The following UFD1 variants were observed in gnomAD, a reference collection of about 807,000 sequenced individuals.
The protein encoded by UFD1 is ubiquitin recognition factor in ER-associated degradation protein 1.
A neutral mutation model predicts 45.9 loss-of-function variants in UFD1; 13 were observed. The observed-to-expected ratio is 0.28, with a 90% CI of 0.18 to 0.45. The LOEUF (loss-of-function observed/expected upper bound fraction) is 0.45. UFD1 is among the 20% of genes least tolerant of loss of function. UFD1 has a pLI of 1.00. For missense variants in UFD1, 218 were observed against 389.2 expected (o/e 0.56, Z 3.70); for synonymous variants, 128 against 139.2 (o/e 0.92, Z 0.56).
At position 19,453,536 on chromosome 22, in the gene UFD1, G is replaced by A. The variant is rs112994873; in HGVS notation, c.849+1213C>T. 8.7e-3 allele frequency: 8,548 copies of A among 985,438 alleles called. 563 individuals carry two copies. The African/African-American group carries it at 0.14, about 16-fold the overall frequency. The allele number at this position is 985,438 out of a possible 1,614,324, so 61.0% of individuals were successfully genotyped here. Reference sequence around the variant, plus strand: ...ACGTCCCATGCTAAGGTCTTAGGTCGGAGTCAGGCACTGGCTTTTAGTGAG... The same window carrying A: ...ACGTCCCATGCTAAGGTCTTAGGTCAGAGTCAGGCACTGGCTTTTAGTGAG... On this transcript the variant is annotated intron_variant, in intron 11 of 11. Coordinates refer to ENST00000263202, the MANE Select transcript of UFD1 (RefSeq NM_005659.7).
chr22:19,453,381 A>G (rs2089698072), intron 11 of UFD1: 1 of 985,420 alleles, frequency 1.0e-6, no homozygotes, highest in Non-Finnish European at 1.2e-6. Flanking sequence ...AGAGCTAAAT[A>G]TGTCTTCAAT....
chr22:19,453,627 A>C, intron 11 of UFD1: 5 of 985,586 alleles, frequency 5.1e-6, no homozygotes, highest in Non-Finnish European at 6.0e-6. Flanking sequence ...GTGAGGTCTG[A>C]CTGGCCACTA....
chr22:19,467,713 G>A (rs960842867), intron 5 of UFD1, 160 bp downstream of exon 5: 47 of 1,321,118 alleles, frequency 3.6e-5, no homozygotes, highest in Non-Finnish European at 4.4e-5. Flanking sequence ...CCAGGGCCAC[G>A]CAGATGTGCT....
chr22:19,465,109 G>T, intron 6 of UFD1, 93 bp downstream of exon 6: 11 of 1,187,716 alleles, frequency 9.3e-6, no homozygotes, highest in Non-Finnish European at 1.4e-5. Context: ...TAAGATCCAG[G>T]CATACGCTGC....
intron 3 of UFD1, among the ~76,000 whole-genome samples, chr22:19,474,629 C>A (rs1267131591): frequency 2.0e-5 from 3 of 152,170 alleles, no homozygotes; most frequent in Admixed American, 1.3e-4. Context: ...GGATGAGGAA[C>A]CTGCTCACAG....
At chr22:19,453,820 T>C in intron 11 of UFD1, 1 of 985,514 alleles carries the variant, frequency 1.0e-6, no homozygotes, top group Non-Finnish European at 1.2e-6. Flanking sequence ...TAGCAGCTGG[T>C]CCTGAATGGG....
intron 7 of UFD1, 187 bp from the exon 8 acceptor site, chr22:19,457,105 C>T (rs1183149482): frequency 1.7e-6 from 1 of 605,264 alleles, no homozygotes. Context: ...GTATTGCTGC[C>T]AGGATATCAA....
intron 6 of UFD1, among the ~76,000 whole-genome samples, chr22:19,459,846 C>T (rs9604966): frequency 0.38 from 55,591 of 148,108 alleles, 12,577 homozygotes; most frequent in Non-Finnish European, 0.5. Flanking sequence ...TCCAGCGATT[C>T]TCTTGCCTCA....
intron 6 of UFD1, among the ~76,000 whole-genome samples, chr22:19,458,967 G>A (rs1341727343): frequency 6.6e-6 from 1 of 152,048 alleles, no homozygotes; most frequent in East Asian, 1.9e-4. Context: ...GCCTACAGTT[G>A]GGCAAAATCA....
intron 3 of UFD1, among the ~76,000 whole-genome samples, chr22:19,472,420 C>A (rs2089853277): frequency 6.6e-6 from 1 of 152,168 alleles, no homozygotes; most frequent in Non-Finnish European, 1.5e-5. Context: ...CGGGGTAGAA[C>A]CTAGGGCCTG....
intron 6 of UFD1, among the ~76,000 whole-genome samples, chr22:19,460,537 G>A (rs1383049040): frequency 6.6e-6 from 1 of 151,832 alleles, no homozygotes; most frequent in African/African-American, 2.4e-5. Context: ...AAACTACCTG[G>A]GAAGACCTAG....
At chr22:19,457,970 A>G (rs751200197) in intron 7 of UFD1, 101 bp downstream of exon 7, 70 of 1,200,104 alleles carry the variant, frequency 5.8e-5, no homozygotes, top group Non-Finnish European at 8.3e-5. Flanking sequence ...CCAGAGTCCC[A>G]GGGGCTGTTT....
chr22:19,471,233 G>C (rs1048319459), intron 4 of UFD1: 1 of 513,936 alleles, frequency 1.9e-6, no homozygotes, highest in African/African-American at 1.9e-5. Flanking sequence ...TAAGGAAAAA[G>C]ACGTCACTCC....
In UFD1 at chr22:19,479,052, C is replaced by G. The variant is rs749213953; in HGVS notation, c.3+31G>C. The G allele has an allele frequency of 3.1e-6, 5 of 1,609,076 alleles. No individual in the cohort carries two copies. The South Asian group carries it at 5.5e-5, about 18-fold the overall frequency. On this transcript the variant is annotated intron_variant, in intron 1 of 11. Coordinates refer to ENST00000263202, the MANE Select transcript of UFD1 (RefSeq NM_005659.7). ...CTACCTCAGGCCCCGGGCCAAGGCC[C>G]AGCCCCCGCCCGCTGCCCGTCAGCG...
Position 19,450,562 on chromosome 22 carries a change from T to G in UFD1, c.*108A>C, listed in dbSNP as rs768202886. The G allele has an allele frequency of 1.9e-4, 259 of 1,357,292 alleles. 1 individual carries two copies. The highest frequency in any genetic ancestry group is 6.9e-4 in the Admixed American group (36 of 51,976). The allele number at this position is 1,357,292 out of a possible 1,614,324, so 84.1% of individuals were successfully genotyped here. A position where few individuals can be genotyped will look rare whatever the true frequency, so the allele number is the denominator to read the frequency against. Reference sequence around the variant, plus strand: ...TAGGTAACTCTAAATAAATCTTAAGTAACAGAGTATTCTCTGATGAGGCTC... The same window carrying G: ...TAGGTAACTCTAAATAAATCTTAAGGAACAGAGTATTCTCTGATGAGGCTC... On this transcript the variant is annotated 3_prime_UTR_variant, in exon 12 of 12. Coordinates refer to ENST00000263202, the MANE Select transcript of UFD1 (RefSeq NM_005659.7).
chr22:19,478,563 C>CA (rs879467772), intron 1 of UFD1, among the ~76,000 whole-genome samples: 12,990 of 152,252 alleles, frequency 0.085, 1,840 homozygotes, highest in African/African-American at 0.29. Context: ...AGGAAATGTA[C>CA]CAGCAGGTAT....
At chr22:19,454,701 A>G (rs758205273) in intron 11 of UFD1, 48 bp downstream of exon 11, 1 of 1,613,010 alleles carries the variant, frequency 6.2e-7, no homozygotes, top group South Asian at 1.1e-5. Flanking sequence ...TCACTAGCAA[A>G]TAAATCTCCT....
At chr22:19,478,955 T>C (rs1844088432) in intron 1 of UFD1, 128 bp downstream of exon 1, 3 of 1,318,764 alleles carry the variant, frequency 2.3e-6, no homozygotes, top group Non-Finnish European at 3.1e-6. Context: ...CCGATGAGCC[T>C]GCAGGCCGGA....
intron 11 of UFD1, 141 bp from the exon 12 acceptor site, chr22:19,450,885 C>G: frequency 6.6e-7 from 1 of 1,503,920 alleles, no homozygotes; most frequent in South Asian, 1.3e-5. Flanking sequence ...CCTGTAATCC[C>G]AGCACTTTAG....
Sources: allele counts gnomAD v4.1 joint callset (sites outside exome capture counted in the v4.1 genomes callset), GRCh38; gene constraint gnomAD v4.1.1; transcripts MANE v1.5; gene names NCBI Gene and HGNC (gene_info 2026-07-23, HGNC 2026-07-21).